Variants in MALRD1 observed in about 807,000 individuals in gnomAD.
The protein encoded by MALRD1 is MAM and LDL-receptor class A domain-containing protein 1.
Under a neutral mutation model 242.1 loss-of-function variants are expected in MALRD1, and 247 were observed. The ratio of observed to expected loss-of-function variants is 1.02; its 90% confidence interval spans 0.92 to 1.13. The LOEUF (loss-of-function observed/expected upper bound fraction) is 1.13. Ranked by LOEUF, MALRD1 falls within the 50% of genes most tolerant of loss-of-function variation. The probability of loss-of-function intolerance (pLI) is 0.00; values close to 1 mark genes in which losing one functional copy is unlikely to be tolerated. For missense variants in MALRD1, 2,989 were observed against 2,533.1 expected, an observed-to-expected ratio of 1.18 and a Z score of -3.86; for synonymous variants, 995 against 866.6, an observed-to-expected ratio of 1.15 and a Z score of -2.60.
intron 31 of MALRD1, among the ~76,000 whole-genome samples, chr10:19,518,103 T>C (rs1392227209): frequency 1.3e-5 from 2 of 152,190 alleles, no homozygotes; most frequent in East Asian, 1.9e-4. Flanking sequence ...TTCGGAATAT[T>C]GTCATTAGTT....
intron 35 of MALRD1, among the ~76,000 whole-genome samples, chr10:19,610,530 T>C (rs138515622): frequency 6.6e-6 from 1 of 152,100 alleles, no homozygotes; most frequent in East Asian, 1.9e-4. Flanking sequence ...TTGCACAAAA[T>C]CTTCGGGTGG....
chr10:19,380,072 T>A (rs567024423), intron 26 of MALRD1, among the ~76,000 whole-genome samples: 99 of 151,520 alleles, frequency 6.5e-4, no homozygotes, highest in African/African-American at 2.3e-3. Context: ...CCTCCCAGGT[T>A]CCAGGAATTC....
intron 19 of MALRD1, among the ~76,000 whole-genome samples, chr10:19,268,135 A>G (rs930185470): frequency 6.6e-6 from 1 of 152,146 alleles, no homozygotes; most frequent in Non-Finnish European, 1.5e-5. Flanking sequence ...TACTTCAGTC[A>G]TTTGTAGTCA....
intron 5 of MALRD1, among the ~76,000 whole-genome samples, chr10:19,118,443 C>A (rs1458943690): frequency 6.6e-6 from 1 of 152,116 alleles, no homozygotes; most frequent in African/African-American, 2.4e-5. Context: ...GAAGAGGGGG[C>A]TTCCAGGTCA....
intron 18 of MALRD1, among the ~76,000 whole-genome samples, chr10:19,253,590 C>T (rs1481148534): frequency 2.6e-5 from 4 of 151,932 alleles, no homozygotes; most frequent in African/African-American, 7.2e-5. Flanking sequence ...ACATCTTTCA[C>T]AGCCACAAGT....
At chr10:19,256,980 CAT>C (rs1839541799) in intron 18 of MALRD1, among the ~76,000 whole-genome samples, 1 of 152,050 alleles carries the variant, frequency 6.6e-6, no homozygotes, top group Admixed American at 6.6e-5. Flanking sequence ...TAAAATAATT[CAT>C]CATGATCAAT....
At chr10:19,414,047 CAA>C (rs57920650) in intron 28 of MALRD1, among the ~76,000 whole-genome samples, 1 of 138,316 alleles carries the variant, frequency 7.2e-6, no homozygotes. Flanking sequence ...TTCCAAAAAA[CAA>C]AAAAAAAAAG....
intron 36 of MALRD1, among the ~76,000 whole-genome samples, chr10:19,684,167 G>A (rs1326971): frequency 0.92 from 139,852 of 152,222 alleles, 64,325 homozygotes; most frequent in East Asian, 0.95. Context: ...AAAACCGTAT[G>A]GTCAACAGAG....
chr10:19,479,782 AC>A (rs1467085766), intron 29 of MALRD1, among the ~76,000 whole-genome samples: 1 of 152,134 alleles, frequency 6.6e-6, no homozygotes, highest in East Asian at 1.9e-4. Context: ...TATTGAATTT[AC>A]TCAGGGACCC....
chr10:19,123,968 G>A (rs1342290214), intron 6 of MALRD1, among the ~76,000 whole-genome samples: 1 of 151,486 alleles, frequency 6.6e-6, no homozygotes, highest in Non-Finnish European at 1.5e-5. Context: ...CACTTTGGGA[G>A]GCCGGGATGA....
intron 31 of MALRD1, among the ~76,000 whole-genome samples, chr10:19,530,356 T>A (rs1282739143): frequency 1.6e-5 from 1 of 60,962 alleles, no homozygotes; most frequent in Non-Finnish European, 3.1e-5. Flanking sequence ...AAATATATAA[T>A]ATTTATATAA....
chr10:19,243,603 A>G (rs1348121736), intron 18 of MALRD1, among the ~76,000 whole-genome samples: 3 of 152,110 alleles, frequency 2.0e-5, no homozygotes, highest in East Asian at 1.9e-4. Context: ...CCAACAATCA[A>G]TGTGAGAATA....
At chr10:19,138,292 T>C (rs1219499733) in intron 10 of MALRD1, among the ~76,000 whole-genome samples, 1 of 152,210 alleles carries the variant, frequency 6.6e-6, no homozygotes, top group Non-Finnish European at 1.5e-5. Context: ...TTTCTTTCTA[T>C]GTTTTATTTA....
chr10:19,731,752 G>A (rs534125217), intron 39 of MALRD1, among the ~76,000 whole-genome samples: 62 of 152,256 alleles, frequency 4.1e-4, no homozygotes, highest in African/African-American at 1.5e-3. Flanking sequence ...CTTCCGAACT[G>A]TAAAAGTTTT....
At position 19,476,998 on chromosome 10, in the gene MALRD1, T is replaced by G. The variant is rs542663855; in HGVS notation, c.5030-14519T>G. 9.2e-5 allele frequency among the ~76,000 whole-genome samples: 14 copies of G among 152,318 alleles called. No homozygotes were observed. The South Asian group carries it at 2.1e-3, about 23-fold the overall frequency. On this transcript the variant is annotated intron_variant, in intron 29 of 39. Transcript: ENST00000454679. ...TTTCCAGGTATTCCAACATCTCATT[T>G]TTTAGGATCAATGGTAGTAAACTCT...
chr10:19,369,558 A>G (rs1201326778), intron 26 of MALRD1, among the ~76,000 whole-genome samples: 1 of 149,312 alleles, frequency 6.7e-6, no homozygotes, highest in Non-Finnish European at 1.5e-5. Context: ...ATATATTTAC[A>G]TATAATATGC....
intron 21 of MALRD1, among the ~76,000 whole-genome samples, chr10:19,311,631 A>G (rs1300698627): frequency 6.6e-6 from 1 of 151,500 alleles, no homozygotes; most frequent in Non-Finnish European, 1.5e-5. Flanking sequence ...TGAACAATCT[A>G]TATGTCTGTC....
At chr10:19,061,085 A>C (rs1348478371) in intron 1 of MALRD1, among the ~76,000 whole-genome samples, 1 of 152,186 alleles carries the variant, frequency 6.6e-6, no homozygotes, top group African/African-American at 2.4e-5. Context: ...ACATGGATAC[A>C]GGGAGGGGAA....
chr10:19,494,978 C>CTTT (rs199627839), intron 30 of MALRD1, among the ~76,000 whole-genome samples: 2 of 143,822 alleles, frequency 1.4e-5, no homozygotes, highest in Non-Finnish European at 1.5e-5. Context: ...ATAATCATCA[C>CTTT]TTTTTTTTTT....
Sources: gnomAD v4.1 joint callset for allele counts (sites outside exome capture counted in the v4.1 genomes callset) on GRCh38, gnomAD v4.1.1 for gene constraint, MANE v1.5 for transcripts, NCBI Gene and HGNC (gene_info 2026-07-23, HGNC 2026-07-21) for gene names.